The following IL1R1 variants were observed in gnomAD, a reference collection of about 807,000 sequenced individuals.
IL1R1 encodes interleukin 1 receptor type 1, also known as interleukin-1 receptor type 1.
IL1R1 carries 22 observed loss-of-function variants against 50.2 expected under a neutral mutation model. That is an observed-to-expected ratio of 0.44 (90% CI 0.31 to 0.63). IL1R1 has a LOEUF of 0.63. IL1R1 is among the 20% of genes least tolerant of loss of function. IL1R1 has a pLI of 0.07. For missense variants in IL1R1, 509 were observed against 676.2 expected (o/e 0.75, Z 2.74); for synonymous variants, 251 against 236.7 (o/e 1.06, Z -0.55).
chr2:102,072,372 T>C (rs1231748131), intron 1 of IL1R1, among the ~76,000 whole-genome samples: 1 of 152,148 alleles, frequency 6.6e-6, no homozygotes, highest in Non-Finnish European at 1.5e-5. Context: ...CCAAATAGAA[T>C]ATAGGTTTTA....
chr2:102,166,307 G>A (rs200134584), intron 6 of IL1R1, 26 bp downstream of exon 6: 48 of 1,569,850 alleles, frequency 3.1e-5, no homozygotes, highest in Non-Finnish European at 3.0e-5. Context: ...AGCCCTAAAA[G>A]GTTTAGATCT....
intron 1 of IL1R1, among the ~76,000 whole-genome samples, chr2:102,090,892 A>G (rs1053734337): frequency 6.6e-6 from 1 of 152,166 alleles, no homozygotes; most frequent in African/African-American, 2.4e-5. Context: ...GTATGAGAGG[A>G]CAATAGAGGC....
chr2:102,163,933 C>T (rs1345234354), intron 3 of IL1R1, among the ~76,000 whole-genome samples: 1 of 152,108 alleles, frequency 6.6e-6, no homozygotes, highest in Non-Finnish European at 1.5e-5. Flanking sequence ...AAAGTTTATT[C>T]TTGGCCTAAT....
intron 1 of IL1R1, among the ~76,000 whole-genome samples, chr2:102,117,005 A>G (rs1681114139): frequency 1.3e-5 from 2 of 152,234 alleles, no homozygotes; most frequent in South Asian, 4.1e-4. Context: ...TTATAATAAA[A>G]GGTAACACTT....
intron 1 of IL1R1, among the ~76,000 whole-genome samples, chr2:102,080,432 C>T (rs1047158816): frequency 2.6e-5 from 4 of 152,148 alleles, no homozygotes; most frequent in African/African-American, 7.2e-5. Context: ...ATGGACATTT[C>T]GCTGAAGAAG....
chr2:102,119,040 A>G (rs1681254108), intron 1 of IL1R1, among the ~76,000 whole-genome samples: 1 of 148,174 alleles, frequency 6.7e-6, no homozygotes, highest in Non-Finnish European at 1.5e-5. Context: ...AAAAAAAAAA[A>G]GACAAGGAAA....
At chr2:102,138,456 G>A (rs1682464125), upstream of IL1R1, among the ~76,000 whole-genome samples, 1 of 152,152 alleles carries the variant, frequency 6.6e-6, no homozygotes, top group Non-Finnish European at 1.5e-5. Flanking sequence ...TATTGCCTAT[G>A]ACCGTCTTAT....
chr2:102,076,873 A>T (rs1441688997), intron 1 of IL1R1, among the ~76,000 whole-genome samples: 1 of 151,390 alleles, frequency 6.6e-6, no homozygotes, highest in Non-Finnish European at 1.5e-5. Flanking sequence ...ATTTATTCAA[A>T]TTTTTTTTCT....
intron 1 of IL1R1, among the ~76,000 whole-genome samples, chr2:102,130,984 C>A (rs1270394581): frequency 6.6e-6 from 1 of 152,084 alleles, no homozygotes; most frequent in South Asian, 2.1e-4. Context: ...AGTTTCCAGG[C>A]CATGGCACAG....
intron 1 of IL1R1, among the ~76,000 whole-genome samples, chr2:102,125,520 A>G (rs1681661212): frequency 1.3e-5 from 2 of 152,312 alleles, no homozygotes; most frequent in South Asian, 4.1e-4. Context: ...ATGAAGTCAC[A>G]TGTAGCAGTC....
At chr2:102,175,121 GAAAA>G (rs35411886) in intron 10 of IL1R1, among the ~76,000 whole-genome samples, 3 of 134,082 alleles carry the variant, frequency 2.2e-5, no homozygotes, top group East Asian at 4.3e-4. Context: ...TAAACTTTGC[GAAAA>G]AAAAAAAAGG....
intron 1 of IL1R1, among the ~76,000 whole-genome samples, chr2:102,073,526 T>C (rs949750480): frequency 3.3e-5 from 5 of 152,174 alleles, no homozygotes; most frequent in African/African-American, 9.7e-5. Flanking sequence ...AGACTGATGA[T>C]GATTGACAGG....
chr2:102,159,233 A>G (rs3917251), intron 3 of IL1R1, among the ~76,000 whole-genome samples: 148 of 152,322 alleles, frequency 9.7e-4, no homozygotes, highest in African/African-American at 3.3e-3. Flanking sequence ...AGCGGCTGGT[A>G]TGAGAACCAT....
intron 1 of IL1R1, among the ~76,000 whole-genome samples, chr2:102,089,446 T>C (rs1679565140): frequency 6.6e-6 from 1 of 152,208 alleles, no homozygotes; most frequent in Non-Finnish European, 1.5e-5. Context: ...ATATTGCTGA[T>C]TGCAGATCAC....
chr2:102,072,883 T>C (rs997286646), intron 1 of IL1R1, among the ~76,000 whole-genome samples: 5 of 152,192 alleles, frequency 3.3e-5, no homozygotes, highest in Non-Finnish European at 5.9e-5. Flanking sequence ...CTTCCTGTCT[T>C]GGGAAGATGT....
intron 5 of IL1R1, among the ~76,000 whole-genome samples, chr2:102,165,659 G>A (rs1685121428): frequency 6.6e-6 from 1 of 152,166 alleles, no homozygotes; most frequent in Non-Finnish European, 1.5e-5. Context: ...CAAATAACCT[G>A]CTAGTTTCCA....
rs1157885181 is a variant in IL1R1 at position 102,178,044 on chromosome 2, C to G, written c.*1285C>G. ...GTGAATTCCCAGGTTGGCCTGGTGGCCATGTCGCCTGCCCCCAGCACTCCT... is the reference window on the plus strand; with the variant it reads ...GTGAATTCCCAGGTTGGCCTGGTGGGCATGTCGCCTGCCCCCAGCACTCCT... On this transcript the variant is annotated 3_prime_UTR_variant, in exon 12 of 12. Transcript: ENST00000410023. 6.5e-6 allele frequency: 1 copy of G among 153,562 alleles called. No homozygotes were observed. Among genetic ancestry groups the G allele is most frequent in the Non-Finnish European group, 1.5e-5 (1 of 68,794 alleles). 9.5% of individuals were successfully genotyped at this position (153,562 alleles called of 1,614,324 possible).
intron 1 of IL1R1, among the ~76,000 whole-genome samples, chr2:102,152,110 C>T (rs1683718469): frequency 6.6e-6 from 1 of 151,970 alleles, no homozygotes; most frequent in Admixed American, 6.5e-5. Flanking sequence ...TTAGAGGGCA[C>T]ATGGTGGTCG....
intron 1 of IL1R1, among the ~76,000 whole-genome samples, chr2:102,150,951 T>C (rs1683597723): frequency 6.6e-6 from 1 of 152,242 alleles, no homozygotes; most frequent in African/African-American, 2.4e-5. Flanking sequence ...TGTTTTATTT[T>C]ATGTGGAAAA....
Sources: allele counts gnomAD v4.1 joint callset (sites outside exome capture counted in the v4.1 genomes callset), GRCh38; gene constraint gnomAD v4.1.1; transcripts MANE v1.5; gene names NCBI Gene and HGNC (gene_info 2026-07-23, HGNC 2026-07-21).